The following GRID2 variants were observed in gnomAD, a reference collection of about 807,000 sequenced individuals.
The protein encoded by GRID2 is glutamate receptor ionotropic, delta-2.
A neutral mutation model predicts 114.8 loss-of-function variants in GRID2; 33 were observed. That is an observed-to-expected ratio of 0.29 (90% CI 0.22 to 0.38). The LOEUF (loss-of-function observed/expected upper bound fraction) is 0.38, where lower values mean the gene tolerates loss of function less well. Among genes scored for constraint, GRID2 ranks in the 10% least tolerant of loss-of-function variants. The probability of loss-of-function intolerance (pLI) is 1.00; values close to 1 mark genes in which losing one functional copy is unlikely to be tolerated. For missense variants in GRID2, 1,184 were observed against 1,257.7 expected (o/e 0.94, Z 0.89); for synonymous variants, 505 against 449.9 (o/e 1.12, Z -1.55).
intron 1 of GRID2, among the ~76,000 whole-genome samples, chr4:92,385,762 C>T (rs536633484): frequency 2.9e-4 from 44 of 150,674 alleles, no homozygotes; most frequent in African/African-American, 1.0e-3. Flanking sequence ...TGTAATATAC[C>T]TTTGTAGTTC....
At chr4:93,222,928 A>G (rs901089586) in intron 6 of GRID2, among the ~76,000 whole-genome samples, 4 of 152,174 alleles carry the variant, frequency 2.6e-5, no homozygotes, top group Non-Finnish European at 4.4e-5. Flanking sequence ...ATGTCCATCA[A>G]TGATACCCCA....
chr4:92,598,278 G>A (rs1036802662), intron 2 of GRID2, among the ~76,000 whole-genome samples: 16 of 152,088 alleles, frequency 1.1e-4, no homozygotes, highest in Admixed American at 7.2e-4. Flanking sequence ...CAACTACTCT[G>A]CACACTGTCA....
At chr4:93,267,796 C>A (rs1286613154) in intron 8 of GRID2, among the ~76,000 whole-genome samples, 1 of 152,158 alleles carries the variant, frequency 6.6e-6, no homozygotes, top group Non-Finnish European at 1.5e-5. Context: ...AAACCCAGCC[C>A]AAGACACTCT....
chr4:92,768,317 T>A (rs1044222035), intron 2 of GRID2, among the ~76,000 whole-genome samples: 9 of 152,106 alleles, frequency 5.9e-5, no homozygotes, highest in African/African-American at 2.2e-4. Context: ...TGAAAAAAAA[T>A]TTTTTACTTT....
intron 1 of GRID2, among the ~76,000 whole-genome samples, chr4:92,581,652 T>C (rs1034449300): frequency 1.3e-5 from 2 of 152,132 alleles, no homozygotes; most frequent in African/African-American, 2.4e-5. Flanking sequence ...AAATGTCACA[T>C]TCAAACATAA....
intron 2 of GRID2, among the ~76,000 whole-genome samples, chr4:92,735,283 C>T (rs1196041746): frequency 6.6e-6 from 1 of 152,102 alleles, no homozygotes; most frequent in Admixed American, 6.6e-5. Flanking sequence ...CCGAATCCTA[C>T]ATACATTATA....
intron 4 of GRID2, among the ~76,000 whole-genome samples, chr4:93,127,048 T>C (rs1560907183): frequency 6.6e-6 from 1 of 152,222 alleles, no homozygotes; most frequent in Admixed American, 6.5e-5. Context: ...TTAACACTTA[T>C]AATCCTCAAA....
chr4:92,624,648 G>A (rs1283069314), intron 2 of GRID2, among the ~76,000 whole-genome samples: 1 of 151,416 alleles, frequency 6.6e-6, no homozygotes, highest in Non-Finnish European at 1.5e-5. Context: ...CAGTAAATTC[G>A]AATGTTTGAA....
chr4:93,657,714 A>C (rs1044276348), intron 14 of GRID2, among the ~76,000 whole-genome samples: 1 of 151,876 alleles, frequency 6.6e-6, no homozygotes, highest in Non-Finnish European at 1.5e-5. Flanking sequence ...AACTCAAACC[A>C]CTAGTTCTAT....
At chr4:93,534,201 A>G (rs1731791085) in intron 13 of GRID2, among the ~76,000 whole-genome samples, 1 of 152,022 alleles carries the variant, frequency 6.6e-6, no homozygotes, top group Admixed American at 6.6e-5. Context: ...AGCACTTCCT[A>G]CACTTCTTTC....
intron 1 of GRID2, among the ~76,000 whole-genome samples, chr4:92,386,081 A>ACTGACATATG (rs1345313829): frequency 2.6e-5 from 4 of 151,564 alleles, no homozygotes; most frequent in South Asian, 2.1e-4. Context: ...TTTGTATGAT[A>ACTGACATATG]TTCTGTTCAA....
intron 4 of GRID2, among the ~76,000 whole-genome samples, chr4:93,201,314 C>T (rs1742084831): frequency 6.6e-6 from 1 of 152,146 alleles, no homozygotes; most frequent in Non-Finnish European, 1.5e-5. Context: ...TTTAGTGGAA[C>T]TAGTGTCCTA....
intron 13 of GRID2, among the ~76,000 whole-genome samples, chr4:93,554,025 C>T (rs1560746352): frequency 6.6e-6 from 1 of 152,142 alleles, no homozygotes; most frequent in Non-Finnish European, 1.5e-5. Context: ...GTGACTTTAT[C>T]TCTAAACAAA....
chr4:93,496,525 C>A (rs1234607875), intron 12 of GRID2, among the ~76,000 whole-genome samples: 5 of 151,700 alleles, frequency 3.3e-5, no homozygotes, highest in African/African-American at 1.2e-4. Flanking sequence ...CCTTTATAGT[C>A]ACATTCACCC....
intron 8 of GRID2, among the ~76,000 whole-genome samples, chr4:93,347,059 G>A (rs1421771756): frequency 2.0e-5 from 3 of 151,890 alleles, no homozygotes; most frequent in East Asian, 3.9e-4. Context: ...ACTGCGGCGC[G>A]GAGCTCCCTG....
chr4:93,285,712 T>C (rs1753083551), intron 8 of GRID2, among the ~76,000 whole-genome samples: 1 of 152,072 alleles, frequency 6.6e-6, no homozygotes, highest in Admixed American at 6.6e-5. Context: ...TATCATAATA[T>C]TTCAAATGCT....
intron 1 of GRID2, among the ~76,000 whole-genome samples, chr4:92,489,719 G>A (rs1411739890): frequency 5.3e-5 from 8 of 151,702 alleles, no homozygotes; most frequent in Non-Finnish European, 7.4e-5. Flanking sequence ...GGTGGTGCGC[G>A]CCTGTAATCC....
intron 8 of GRID2, among the ~76,000 whole-genome samples, chr4:93,284,086 A>C (rs1397708690): frequency 6.6e-6 from 1 of 151,994 alleles, no homozygotes; most frequent in African/African-American, 2.4e-5. Flanking sequence ...CAGATTTTCT[A>C]CTTTTTCTTA....
intron 15 of GRID2, among the ~76,000 whole-genome samples, chr4:93,771,442 A>G (rs1734100448): frequency 2.0e-5 from 3 of 152,176 alleles, no homozygotes; most frequent in African/African-American, 7.2e-5. Flanking sequence ...ACCTCACAGT[A>G]TTGACTGATT....
Sources: allele counts gnomAD v4.1 joint callset (sites outside exome capture counted in the v4.1 genomes callset), GRCh38; gene constraint gnomAD v4.1.1; transcripts MANE v1.5; gene names NCBI Gene and HGNC (gene_info 2026-07-23, HGNC 2026-07-21).